ABHD17C: variants seen among roughly 807,000 people sequenced by gnomAD.
ABHD17C encodes alpha/beta hydrolase domain-containing protein 17C.
In ABHD17C, 11 loss-of-function variants were observed where a neutral mutation model predicts 27.9. The ratio of observed to expected loss-of-function variants is 0.39; its 90% CI spans 0.25 to 0.65. The LOEUF is 0.65. Ranked by LOEUF, ABHD17C falls within the 30% of genes least tolerant of loss-of-function variation. The pLI is 0.45. For missense variants in ABHD17C, 280 were observed against 470.2 expected (o/e 0.60, Z 3.74); for synonymous variants, 233 against 209.1 (o/e 1.11, Z -0.98).
chr15:80,701,720 A>AG (rs1358379973), intron 1 of ABHD17C, among the ~76,000 whole-genome samples: 2 of 152,152 alleles, frequency 1.3e-5, no homozygotes, highest in East Asian at 3.9e-4. Context: ...GTTTGACATA[A>AG]GGGGAAAGCA....
rs180947688 is a variant in ABHD17C, at chr15:80,720,153, G to T, written c.590+24134G>T. Among the ~76,000 whole-genome samples the T allele has an allele frequency of 5.3e-5, 8 of 152,228 alleles. No individual in the cohort carries two copies. In the East Asian group the frequency reaches 1.5e-3, roughly 29 times the overall value. ...ATCGTGGGGTTTCATCATTTGCTCA[G>T]ATGTTTCTGTCTTCTTTGTTACACT... On this transcript the variant is annotated intron_variant, in intron 1 of 2. Coordinates refer to ENST00000258884, the MANE Select transcript of ABHD17C (RefSeq NM_021214.2).
intron 1 of ABHD17C, chr15:80,705,179 T>G (rs1384666037): frequency 5.3e-5 from 8 of 152,120 alleles, no homozygotes; most frequent in Admixed American, 4.6e-4. Context: ...GGGTTGGAGG[T>G]TCCTGGCGTG....
intron 2 of ABHD17C, among the ~76,000 whole-genome samples, chr15:80,750,123 T>C (rs1277692717): frequency 6.6e-6 from 1 of 152,216 alleles, no homozygotes; most frequent in African/African-American, 2.4e-5. Context: ...AAGCACAGTT[T>C]GGAAATTTCT....
At chr15:80,727,001 A>G (rs1262253399) in intron 1 of ABHD17C, among the ~76,000 whole-genome samples, 3 of 152,164 alleles carry the variant, frequency 2.0e-5, no homozygotes, top group Non-Finnish European at 4.4e-5. Context: ...TGGGAGTTGA[A>G]ATAAGTTCTG....
At chr15:80,728,094 C>T (rs1228779250) in intron 1 of ABHD17C, among the ~76,000 whole-genome samples, 3 of 152,126 alleles carry the variant, frequency 2.0e-5, no homozygotes, top group East Asian at 3.9e-4. Context: ...TCCTGGTCTG[C>T]GTAATGGAGC....
At chr15:80,722,136 C>T (rs2627309) in intron 1 of ABHD17C, among the ~76,000 whole-genome samples, 151,713 of 152,132 alleles carry the variant, frequency 1, 75,649 homozygotes, top group Middle Eastern at 1. Context: ...TTTGTTTCCA[C>T]ACACCTTCAG....
In ABHD17C at chr15:80,714,710, T is replaced by G. The variant is rs965611604; in HGVS notation, c.590+18691T>G. Among the ~76,000 whole-genome samples, 13 of 152,344 alleles carry G rather than the reference T, an allele frequency of 8.5e-5. 1 individual carries two copies. The highest frequency in any genetic ancestry group is 6.2e-4 in the South Asian group (3 of 4,822). ...CAATTTCTGTGGATTTTGTAGTGTT[T>G]TAAAACACACACAGACACGCACAAA... On this transcript the variant is annotated intron_variant, in intron 1 of 2. Coordinates refer to ENST00000258884, the MANE Select transcript of ABHD17C (RefSeq NM_021214.2).
rs534263985 is a variant in ABHD17C, at chr15:80,736,380, G to A, written c.591-13133G>A. 1.2e-4 allele frequency among the ~76,000 whole-genome samples: 19 copies of A among 152,178 alleles called. No individual in the cohort carries two copies. In the East Asian group the frequency reaches 3.1e-3, roughly 25 times the overall value. On this transcript the variant is annotated intron_variant, in intron 1 of 2. Transcript: ENST00000258884. ...CTCTTCCTCATAATTAAAATATAAA[G>A]CACGTTTGTTAAGTTTTGGCTAAAA...
intron 1 of ABHD17C, among the ~76,000 whole-genome samples, chr15:80,705,366 T>TGTGTGTGTGTGTGTGTGGGG (rs1300324609): frequency 1.0e-4 from 15 of 150,678 alleles, no homozygotes; most frequent in South Asian, 2.1e-4. Context: ...TGTGTGTGTG[T>TGTGTGTGTGTGTGTGTGGGG]GGTTAGGAGC....
chr15:80,717,445 G>A (rs1357852898), intron 1 of ABHD17C, among the ~76,000 whole-genome samples: 5 of 150,990 alleles, frequency 3.3e-5, no homozygotes, highest in African/African-American at 1.2e-4. Flanking sequence ...GCAGGCTGGA[G>A]GGCGGTGGCA....
intron 1 of ABHD17C, among the ~76,000 whole-genome samples, chr15:80,734,892 G>T (rs1280111095): frequency 6.6e-6 from 1 of 152,206 alleles, no homozygotes; most frequent in Non-Finnish European, 1.5e-5. Flanking sequence ...TTTAGGAAAG[G>T]CTACATTGAT....
rs114503157 is a variant in ABHD17C at position 80,749,528 on chromosome 15, C to T, written c.606C>T (p.Pro202=). ...QALRTRYGVS[P]ENIILYGQSI... is the part of the protein sequence containing the mutation. The stretch of plus-strand genomic sequence containing the variant: ...ATTTCTCCAGGTATGGCGTGAGTCC[C>T]GAGAACATTATCCTCTATGGTCAGA... Residue 202 remains proline, a synonymous_variant, in exon 2 of 3, where the codon CCC becomes CCT. Coordinates refer to ENST00000258884, the MANE Select transcript of ABHD17C (RefSeq NM_021214.2). The T allele has an allele frequency of 6.5e-4, 1,041 of 1,613,808 alleles. 6 individuals are homozygous for T. In the African/African-American group the frequency reaches 0.012, roughly 19 times the overall value.
chr15:80,713,900 C>CCACACACACACACACACA (rs58311304), intron 1 of ABHD17C, among the ~76,000 whole-genome samples: 6 of 141,048 alleles, frequency 4.3e-5, no homozygotes, highest in Admixed American at 1.4e-4. Flanking sequence ...CATATACAGA[C>CCACACACACACACACACA]CACACACACA....
In ABHD17C at chr15:80,708,429, C is replaced by T. The variant is rs566050063; in HGVS notation, c.590+12410C>T. On this transcript the variant is annotated intron_variant, in intron 1 of 2. Coordinates refer to ENST00000258884, the MANE Select transcript of ABHD17C (RefSeq NM_021214.2). Reference sequence around the variant, plus strand: ...CTCCTAGGTTCAAGTGATTCTCATGCCTCAGCCTCCCAAATAGCTGGGATC... The same window carrying T: ...CTCCTAGGTTCAAGTGATTCTCATGTCTCAGCCTCCCAAATAGCTGGGATC... Among the ~76,000 whole-genome samples the T allele has an allele frequency of 7.2e-5, 11 of 152,304 alleles. No individual in the cohort carries two copies. In the South Asian group the frequency reaches 1.0e-3, roughly 14 times the overall value.
At chr15:80,737,122 A>G (rs1895142050) in intron 1 of ABHD17C, among the ~76,000 whole-genome samples, 1 of 152,182 alleles carries the variant, frequency 6.6e-6, no homozygotes, top group South Asian at 2.1e-4. Flanking sequence ...GATGGTAGAC[A>G]TTGGGAGAGG....
chr15:80,713,351 G>GTTTTT (rs1596062478), intron 1 of ABHD17C, among the ~76,000 whole-genome samples: 1 of 28,138 alleles, frequency 3.6e-5, no homozygotes, highest in African/African-American at 2.1e-4. Context: ...CTGAGGTCTT[G>GTTTTT]TTCTTTTTTT....
At chr15:80,713,614 C>T (rs996737777) in intron 1 of ABHD17C, among the ~76,000 whole-genome samples, 6 of 151,684 alleles carry the variant, frequency 4.0e-5, no homozygotes, top group Non-Finnish European at 8.8e-5. Context: ...TCGAGACCAG[C>T]CTGGCCAACA....
intron 1 of ABHD17C, among the ~76,000 whole-genome samples, chr15:80,724,032 G>A (rs1894937507): frequency 6.6e-6 from 1 of 152,016 alleles, no homozygotes; most frequent in Non-Finnish European, 1.5e-5. Flanking sequence ...GTGAAACCCT[G>A]TCTCTACTGA....
chr15:80,742,132 T>C (rs8025914), intron 1 of ABHD17C, among the ~76,000 whole-genome samples: 30,289 of 152,152 alleles, frequency 0.2, 4,104 homozygotes, highest in African/African-American at 0.39. Flanking sequence ...GGGGGGACTC[T>C]ACTGTATATA....
Sources: gnomAD v4.1 joint callset for allele counts (sites outside exome capture counted in the v4.1 genomes callset) on GRCh38, gnomAD v4.1.1 for gene constraint, MANE v1.5 for transcripts, NCBI Gene and HGNC (gene_info 2026-07-23, HGNC 2026-07-21) for gene names.